The following SGK2 variants were observed in gnomAD, a reference collection of about 807,000 sequenced individuals.
SGK2 encodes the protein serum/glucocorticoid regulated kinase 2, also known as serine/threonine-protein kinase Sgk2.
A neutral mutation model predicts 47.5 loss-of-function variants in SGK2; 36 were observed. The observed-to-expected ratio is 0.76, with a 90% CI of 0.58 to 1.00. SGK2 has a LOEUF of 1.00. Ranked by LOEUF, SGK2 falls within the 50% of genes least tolerant of loss-of-function variation. The pLI is 0.00. For missense variants in SGK2, 404 were observed against 467.4 expected, an observed-to-expected ratio of 0.86 and a Z score of 1.25; for synonymous variants, 157 against 181.9, an observed-to-expected ratio of 0.86 and a Z score of 1.10.
At chr20:43,561,738 A>G (rs548963110) in intron 1 of SGK2, among the ~76,000 whole-genome samples, 18 of 152,134 alleles carry the variant, frequency 1.2e-4, no homozygotes, top group Admixed American at 1.1e-3. Flanking sequence ...GGAGTTTTTG[A>G]GCAACTAAGG....
chr20:43,575,464 CAAA>C (rs11471675), intron 10 of SGK2, among the ~76,000 whole-genome samples: 2 of 116,758 alleles, frequency 1.7e-5, no homozygotes, highest in Non-Finnish European at 1.7e-5. Flanking sequence ...GACTCTGTCT[CAAA>C]AAAAAAAAAA....
At chr20:43,566,978 T>C (rs1600987899) in intron 2 of SGK2, 90 bp from the exon 3 acceptor site, 1 of 1,009,818 alleles carries the variant, frequency 9.9e-7, no homozygotes. Context: ...CCTAGTAGAG[T>C]TGTTGGAGAA....
At position 43,580,198 on chromosome 20, in the gene SGK2, T is replaced by C. The variant is rs971377957; in HGVS notation, c.939+137T>C. Reference sequence around the variant, plus strand: ...ATTTGTCCTAGGCTACACAGTCAGTTAGAGACAGAACTGGGCCTGACTACA... The same window carrying C: ...ATTTGTCCTAGGCTACACAGTCAGTCAGAGACAGAACTGGGCCTGACTACA... On this transcript the variant is annotated intron_variant, in intron 12 of 12. Coordinates refer to ENST00000373100, the MANE Select transcript of SGK2 (RefSeq NM_170693.3). 19 of 586,402 alleles carry C rather than the reference T, an allele frequency of 3.2e-5. No homozygotes were observed. In the African/African-American group the frequency reaches 3.5e-4, roughly 11 times the overall value. 36.3% of individuals were successfully genotyped at this position (586,402 alleles called of 1,614,324 possible). A position where few individuals can be genotyped will look rare whatever the true frequency, so the allele number is the denominator to read the frequency against.
intron 11 of SGK2, among the ~76,000 whole-genome samples, chr20:43,579,217 T>C (rs1049020725): frequency 6.6e-6 from 1 of 152,024 alleles, no homozygotes; most frequent in African/African-American, 2.4e-5. Context: ...AGGTCAACCA[T>C]GTTGACCAGG....
intron 8 of SGK2, 140 bp downstream of exon 8, chr20:43,571,200 A>G (rs1205448959): frequency 1.0e-5 from 14 of 1,369,702 alleles, no homozygotes; most frequent in African/African-American, 5.9e-5. Context: ...GCATTTGAGC[A>G]TATGTGTGTG....
At chr20:43,566,035 G>T (rs1979685274) in intron 1 of SGK2, 2 of 330,936 alleles carry the variant, frequency 6.0e-6, no homozygotes, top group South Asian at 2.2e-4. Context: ...TGCTTCACAA[G>T]GCTATGTGGC....
chr20:43,566,663 G>T, intron 2 of SGK2, 132 bp downstream of exon 2: 1 of 636,528 alleles, frequency 1.6e-6, no homozygotes, highest in Non-Finnish European at 2.8e-6. Flanking sequence ...GCCACTTGCA[G>T]GGTGAATAGA....
chr20:43,579,192 A>G (rs1268890779), intron 11 of SGK2, among the ~76,000 whole-genome samples: 2 of 151,824 alleles, frequency 1.3e-5, no homozygotes, highest in African/African-American at 4.8e-5. Flanking sequence ...TAATTTTTCT[A>G]TTTTTGTAGA....
intron 12 of SGK2, among the ~76,000 whole-genome samples, chr20:43,581,331 G>A (rs545168578): frequency 1.8e-4 from 28 of 152,010 alleles, no homozygotes; most frequent in Admixed American, 1.3e-4. Flanking sequence ...AATTTTTAGT[G>A]GCTGCATAAT....
chr20:43,570,848 G>A, intron 7 of SGK2, 119 bp downstream of exon 7: 1 of 1,259,020 alleles, frequency 7.9e-7, no homozygotes, highest in Non-Finnish European at 1.1e-6. Context: ...GTTTTGGGTG[G>A]GGTTGGAGTC....
rs796100790 is a variant in SGK2 at position 43,571,064 on chromosome 20, G to GGTGGGTGT, written c.510+7_510+8insGGTGTGTG. The GGTGGGTGT allele has an allele frequency of 5.8e-4, 910 of 1,565,924 alleles. No homozygotes were observed. Among genetic ancestry groups the GGTGGGTGT allele is most frequent in the African/African-American group, 3.5e-3 (256 of 72,278 alleles). On this transcript the variant is annotated splice_donor_region_variant and intron_variant, in intron 8 of 12. Coordinates refer to ENST00000373100, the MANE Select transcript of SGK2 (RefSeq NM_170693.3). ...GAACATTCTCTTGGACTGCCAGGTT[G>GGTGGGTGT]GTGTGTGTGTGTGTGTGTGTGTGTG...
chr20:43,577,941 A>G (rs1980567317), intron 11 of SGK2, among the ~76,000 whole-genome samples: 1 of 152,020 alleles, frequency 6.6e-6, no homozygotes, highest in Non-Finnish European at 1.5e-5. Flanking sequence ...CACTGCGCCC[A>G]GCCAGCACTT....
chr20:43,579,038 G>A (rs1309973079), intron 11 of SGK2, among the ~76,000 whole-genome samples: 2 of 138,714 alleles, frequency 1.4e-5, no homozygotes, highest in Non-Finnish European at 3.1e-5. Flanking sequence ...TTTTTTTTGA[G>A]ACAGAGTCTT....
intron 7 of SGK2, 120 bp downstream of exon 7, chr20:43,570,849 G>A: frequency 7.9e-7 from 1 of 1,261,746 alleles, no homozygotes; most frequent in Non-Finnish European, 1.1e-6. Context: ...TTTTGGGTGG[G>A]GTTGGAGTCT....
intron 1 of SGK2, among the ~76,000 whole-genome samples, chr20:43,563,135 C>CA (rs796539305): frequency 3.0e-3 from 211 of 70,470 alleles, no homozygotes; most frequent in South Asian, 3.6e-3. Flanking sequence ...GACTCTGTCT[C>CA]AAAAAAAAAA....
In SGK2 at chr20:43,574,895, TTTCC is replaced by T; in HGVS notation, c.598-10_598-7del. The T allele has an allele frequency of 6.2e-7, 1 of 1,605,820 alleles. No homozygotes were observed. The highest frequency in any genetic ancestry group is 8.5e-7 in the Non-Finnish European group (1 of 1,172,856). On this transcript the variant is annotated splice_polypyrimidine_tract_variant and intron_variant, in intron 9 of 12. Coordinates refer to ENST00000373100, the MANE Select transcript of SGK2 (RefSeq NM_170693.3). ...TAACGACTTATTTCAAATAAGTGTG[TTTCC>T]TTCTAACAGTACTTGGCACCTGAAG...
rs950801890 is a variant in SGK2, at chr20:43,559,542, C to G, written c.-24+383C>G. The stretch of plus-strand genomic sequence containing the variant: ...TGATCATGTCACTTCCCTGTCCTTG[C>G]CTCAGTTTTCTCCTCCTTGAAACAG... On this transcript the variant is annotated intron_variant, in intron 1 of 12. Coordinates refer to ENST00000373100, the MANE Select transcript of SGK2 (RefSeq NM_170693.3). 2.6e-5 allele frequency among the ~76,000 whole-genome samples: 4 copies of G among 152,150 alleles called. No individual in the cohort carries two copies. In the South Asian group the frequency reaches 8.3e-4, roughly 32 times the overall value.
At chr20:43,566,213 G>A (rs1979697711) in intron 1 of SGK2, 1 of 901,854 alleles carries the variant, frequency 1.1e-6, no homozygotes, top group Non-Finnish European at 1.7e-6. Context: ...TTCTTGAAAA[G>A]AATCAGCCTG....
chr20:43,580,222 C>T (rs560464773), intron 12 of SGK2, among the ~76,000 whole-genome samples, 161 bp downstream of exon 12: 1 of 152,322 alleles, frequency 6.6e-6, no homozygotes, highest in South Asian at 2.1e-4. Context: ...GGCCTGACTA[C>T]AGGTGCAGCT....
Sources: allele counts gnomAD v4.1 joint callset (sites outside exome capture counted in the v4.1 genomes callset), GRCh38; gene constraint gnomAD v4.1.1; transcripts MANE v1.5; gene names NCBI Gene and HGNC (gene_info 2026-07-23, HGNC 2026-07-21).